SH3PXD2A: variants seen among roughly 807,000 people sequenced by gnomAD.
SH3PXD2A encodes SH3 and PX domain-containing protein 2A.
In SH3PXD2A, 32 loss-of-function variants were observed where a neutral mutation model predicts 115.2. The ratio of observed to expected loss-of-function variants is 0.28; its 90% CI spans 0.21 to 0.37. The LOEUF (loss-of-function observed/expected upper bound fraction) is 0.37, where lower values mean the gene tolerates loss of function less well. SH3PXD2A is among the 10% of genes least tolerant of loss of function. SH3PXD2A has a pLI of 1.00. For missense variants in SH3PXD2A, 1,328 were observed against 1,498.7 expected, an observed-to-expected ratio of 0.89 and a Z score of 1.88; for synonymous variants, 610 against 629.1, an observed-to-expected ratio of 0.97 and a Z score of 0.45.
intron 5 of SH3PXD2A, among the ~76,000 whole-genome samples, chr10:103,719,175 C>A (rs934950592): frequency 2.0e-5 from 3 of 152,254 alleles, no homozygotes; most frequent in African/African-American, 7.2e-5. Flanking sequence ...CAGACTGACA[C>A]ACACCATCCT....
At position 103,627,453 on chromosome 10, in the gene SH3PXD2A, T is replaced by G. The variant is rs1017212747; in HGVS notation, c.605-251A>C. ...GTGAGCCACACTAACAAATGTCTGA[T>G]GGAAAATGAAATAGACATAGTGATA... is the stretch of plus-strand genomic sequence containing the variant. On this transcript the variant is annotated intron_variant, in intron 8 of 14. Coordinates refer to ENST00000369774, the MANE Select transcript of SH3PXD2A (RefSeq NM_001394015.1). The surrounding 1 kb of genome is among the most constrained non-coding windows in gnomAD (Gnocchi z 4.4). 2.6e-5 allele frequency among the ~76,000 whole-genome samples: 4 copies of G among 152,170 alleles called. No individual in the cohort carries two copies. Among genetic ancestry groups the G allele is most frequent in the African/African-American group, 9.7e-5 (4 of 41,442 alleles).
intron 3 of SH3PXD2A, among the ~76,000 whole-genome samples, chr10:103,742,526 GGA>G (rs1491384640): frequency 2.0e-5 from 3 of 152,204 alleles, no homozygotes; most frequent in Non-Finnish European, 4.4e-5. Flanking sequence ...GTTAGGACTT[GGA>G]TATATCTTTT....
chr10:103,654,146 G>T lies in SH3PXD2A; in HGVS notation c.604+6837C>A, dbSNP rs149826180. Among the ~76,000 whole-genome samples, 555 of 152,172 alleles carry T rather than the reference G, an allele frequency of 3.6e-3. 7 individuals carry two copies. The highest frequency in any genetic ancestry group is 0.013 in the African/African-American group (527 of 41,506). On this transcript the variant is annotated intron_variant, in intron 8 of 14. Coordinates refer to ENST00000369774, the MANE Select transcript of SH3PXD2A (RefSeq NM_001394015.1). ...ACAGGGCTACTGAGGGACCATCAGC[G>T]TGGGGTTGTCATGAAAGCCCCCAAT...
chr10:103,705,284 CA>C lies in SH3PXD2A; in HGVS notation c.399-12229del, dbSNP rs577240873. ...ATGAACCCCAAAGTATGGTGGCAAA[CA>C]GGGGGAGGGAAGGGCGGGCGTGGGC... On this transcript the variant is annotated intron_variant, in intron 5 of 14. Coordinates refer to ENST00000369774, the MANE Select transcript of SH3PXD2A (RefSeq NM_001394015.1). Among the ~76,000 whole-genome samples the C allele has an allele frequency of 2.0e-4, 30 of 152,208 alleles. No homozygotes were observed. In the South Asian group the frequency reaches 3.5e-3, roughly 18 times the overall value.
chr10:103,602,171 G>T lies in SH3PXD2A; in HGVS notation c.3047C>A (p.Ser1016Tyr), dbSNP rs1461878903. Residue 1016 changes from serine to tyrosine, a missense_variant, in exon 15 of 15, where the codon TCC becomes TAC. By Grantham distance (144) the Ser-to-Tyr change is moderately radical. Around this residue, in one of 5 missense-constraint regions of SH3PXD2A, gnomAD observed 574 missense variants for 565.7 expected, o/e 1.01. Coordinates refer to ENST00000369774, the MANE Select transcript of SH3PXD2A (RefSeq NM_001394015.1). ...TDGLRGVRRN[S>Y]SFSTARSAAA... is the part of the protein sequence containing the mutation. ...AGCGGAGCGAGCAGTGCTAAAGGAG[G>T]AGTTCCGTCGGACGCCTCGGAGGCC... 4.4e-6 allele frequency: 7 copies of T among 1,575,020 alleles called. No homozygotes were observed. The African/African-American group carries it at 8.1e-5, about 18-fold the overall frequency.
intron 5 of SH3PXD2A, among the ~76,000 whole-genome samples, chr10:103,708,934 A>C (rs2038014765): frequency 6.6e-6 from 1 of 151,804 alleles, no homozygotes; most frequent in Non-Finnish European, 1.5e-5. Flanking sequence ...AGACCAGGTG[A>C]CAGGCTCATG....
At chr10:103,834,700 C>A (rs145141348) in intron 1 of SH3PXD2A, among the ~76,000 whole-genome samples, 2 of 152,304 alleles carry the variant, frequency 1.3e-5, no homozygotes, top group Non-Finnish European at 2.9e-5. Context: ...ATTAACGTTG[C>A]TTTTATGCCA....
intron 8 of SH3PXD2A, among the ~76,000 whole-genome samples, chr10:103,651,520 A>G (rs2037122849): frequency 6.6e-6 from 1 of 152,210 alleles, no homozygotes. Context: ...CTACAATGCA[A>G]ATATCCAGAT....
intron 3 of SH3PXD2A, among the ~76,000 whole-genome samples, chr10:103,765,503 C>T (rs2038745325): frequency 6.6e-6 from 1 of 152,200 alleles, no homozygotes; most frequent in Non-Finnish European, 1.5e-5. Context: ...TTTAATTCAC[C>T]AGGCCACCCA....
At chr10:103,768,421 G>A (rs896113791) in intron 2 of SH3PXD2A, among the ~76,000 whole-genome samples, 1 of 152,210 alleles carries the variant, frequency 6.6e-6, no homozygotes, top group African/African-American at 2.4e-5. Context: ...GAAGCAGGAC[G>A]TGCAAAAAGA....
intron 1 of SH3PXD2A, among the ~76,000 whole-genome samples, chr10:103,836,930 C>G (rs1266300550): frequency 1.3e-5 from 2 of 152,200 alleles, no homozygotes; most frequent in Non-Finnish European, 2.9e-5. Flanking sequence ...GGCAGCCCCT[C>G]TCCGTTTCCT....
At chr10:103,671,360 G>C (rs2037456348) in intron 6 of SH3PXD2A, among the ~76,000 whole-genome samples, 1 of 152,194 alleles carries the variant, frequency 6.6e-6, no homozygotes, top group African/African-American at 2.4e-5. Flanking sequence ...AAGGGGGCCG[G>C]ACATGGCCTG....
At chr10:103,841,757 A>C (rs1169869642) in intron 1 of SH3PXD2A, among the ~76,000 whole-genome samples, 1 of 152,006 alleles carries the variant, frequency 6.6e-6, no homozygotes, top group Non-Finnish European at 1.5e-5. Flanking sequence ...CACAGGGCTC[A>C]CTTCCTCACC....
intron 1 of SH3PXD2A, among the ~76,000 whole-genome samples, chr10:103,844,161 C>T (rs1270201816): frequency 6.6e-6 from 1 of 152,234 alleles, no homozygotes; most frequent in African/African-American, 2.4e-5. Flanking sequence ...CCCACTGAGG[C>T]TCTGACCAGC....
intron 2 of SH3PXD2A, among the ~76,000 whole-genome samples, chr10:103,775,392 G>C (rs1411673391): frequency 2.6e-5 from 4 of 152,308 alleles, no homozygotes; most frequent in African/African-American, 9.6e-5. Flanking sequence ...AGCATTAAGT[G>C]GGTGTCAACC....
chr10:103,617,853 C>T (rs569347912), intron 10 of SH3PXD2A, among the ~76,000 whole-genome samples: 3 of 152,316 alleles, frequency 2.0e-5, no homozygotes, highest in East Asian at 1.9e-4. Flanking sequence ...GACACCTCCT[C>T]GGTGAAGCCT....
At chr10:103,715,202 G>C (rs905047384) in intron 5 of SH3PXD2A, among the ~76,000 whole-genome samples, 10 of 152,170 alleles carry the variant, frequency 6.6e-5, no homozygotes, top group Non-Finnish European at 1.2e-4. Flanking sequence ...AAGTACATAG[G>C]GGCATTTTCT....
In SH3PXD2A at chr10:103,666,022, C is replaced by T. The variant is rs528957234; in HGVS notation, c.472+2586G>A. Among the ~76,000 whole-genome samples, 1 of 152,286 alleles carries T rather than the reference C, an allele frequency of 6.6e-6. No individual in the cohort carries two copies. The highest frequency in any genetic ancestry group is 2.4e-5 in the African/African-American group (1 of 41,564). On this transcript the variant is annotated intron_variant, in intron 7 of 14. Coordinates refer to ENST00000369774, the MANE Select transcript of SH3PXD2A (RefSeq NM_001394015.1). This position sits in a 1 kb window ranked among gnomAD's most constrained non-coding sequence, Gnocchi z 4.5. ...CCACCCTTGCCTCACATCTGCATTC[C>T]TTCAACTACCACCTGGATGGAACCC...
At chr10:103,783,450 G>A (rs1207657127) in intron 2 of SH3PXD2A, among the ~76,000 whole-genome samples, 1 of 63,710 alleles carries the variant, frequency 1.6e-5, no homozygotes, top group Non-Finnish European at 4.0e-5. Context: ...GGCTGTCTCT[G>A]GGGGGCAGAG....
Sources: gnomAD v4.1 joint callset for allele counts (sites outside exome capture counted in the v4.1 genomes callset) on GRCh38, gnomAD v4.1.1 for gene constraint, gnomAD v4.1.1 regional missense constraint, Gnocchi (gnomAD v3.1) non-coding constraint, MANE v1.5 for transcripts, NCBI Gene and HGNC (gene_info 2026-07-23, HGNC 2026-07-21) for gene names.